MCC: variants seen among roughly 807,000 people sequenced by gnomAD.
The protein encoded by MCC is colorectal mutant cancer protein.
Under a neutral mutation model 116.2 loss-of-function variants are expected in MCC, and 90 were observed. The observed-to-expected ratio is 0.77, with a 90% CI of 0.65 to 0.92. MCC has a LOEUF of 0.92. Ranked by LOEUF, MCC falls within the 40% of genes least tolerant of loss-of-function variation. The pLI is 0.00. For synonymous variants in MCC, 578 were observed against 510.5 expected (o/e 1.13, Z -1.78); for missense variants, 1,516 against 1,312.2 (o/e 1.16, Z -2.40).
chr5:113,272,603 C>G (rs1275020768), intron 3 of MCC, among the ~76,000 whole-genome samples: 1 of 152,022 alleles, frequency 6.6e-6, no homozygotes, highest in Non-Finnish European at 1.5e-5. Flanking sequence ...ATACACTTGT[C>G]CATGTTAGGA....
intron 3 of MCC, among the ~76,000 whole-genome samples, chr5:113,215,572 G>A (rs1172549589): frequency 2.6e-5 from 4 of 152,098 alleles, no homozygotes; most frequent in Non-Finnish European, 5.9e-5. Flanking sequence ...GGGCTGGCGG[G>A]GGAGGGCGGT....
At chr5:113,484,248 A>G (rs2150437287) in intron 1 of MCC, among the ~76,000 whole-genome samples, 1 of 152,322 alleles carries the variant, frequency 6.6e-6, no homozygotes, top group East Asian at 1.9e-4. Flanking sequence ...CCTATGGAAA[A>G]AATCTGCACA....
intron 3 of MCC, among the ~76,000 whole-genome samples, chr5:113,170,527 G>C (rs1187896874): frequency 6.6e-6 from 1 of 152,106 alleles, no homozygotes; most frequent in East Asian, 1.9e-4. Context: ...CTATCTGCTT[G>C]TGGGAAGCTA....
intron 5 of MCC, among the ~76,000 whole-genome samples, chr5:113,134,594 T>C (rs1041920793): frequency 2.2e-5 from 2 of 90,518 alleles, no homozygotes; most frequent in African/African-American, 7.2e-5. Context: ...TCTATAAACA[T>C]TGTAGGATTT....
At chr5:113,400,711 G>A (rs1055965450) in intron 1 of MCC, among the ~76,000 whole-genome samples, 5 of 152,124 alleles carry the variant, frequency 3.3e-5, no homozygotes, top group African/African-American at 9.7e-5. Context: ...GTCTATCAGT[G>A]CCTTGTAAAA....
chr5:113,439,335 G>C (rs1226177947), intron 1 of MCC, among the ~76,000 whole-genome samples: 1 of 147,558 alleles, frequency 6.8e-6, no homozygotes, highest in Non-Finnish European at 1.5e-5. Flanking sequence ...CAATTGGAGG[G>C]TTTCACAGAG....
intron 3 of MCC, among the ~76,000 whole-genome samples, chr5:113,265,313 C>A (rs74343996): frequency 0.033 from 5,064 of 152,194 alleles, 116 homozygotes; most frequent in Middle Eastern, 0.048. Flanking sequence ...TTTGTTTTAT[C>A]CCAACCCAAC....
At chr5:113,416,030 A>G (rs562323298) in intron 1 of MCC, among the ~76,000 whole-genome samples, 1 of 152,026 alleles carries the variant, frequency 6.6e-6, no homozygotes, top group South Asian at 2.1e-4. Flanking sequence ...TCAGGTCCCT[A>G]AGCTGCAGGT....
At chr5:113,132,930 T>C (rs1373843732) in intron 5 of MCC, among the ~76,000 whole-genome samples, 1 of 152,222 alleles carries the variant, frequency 6.6e-6, no homozygotes, top group African/African-American at 2.4e-5. Context: ...CATTTTTGTA[T>C]TCTCTGATGG....
chr5:113,378,823 C>T (rs567583091), intron 2 of MCC, among the ~76,000 whole-genome samples: 1 of 152,294 alleles, frequency 6.6e-6, no homozygotes, highest in Admixed American at 6.5e-5. Flanking sequence ...TTCAAAAGGG[C>T]ATGTTTAAAC....
At chr5:113,123,495 T>A (rs148273560) in intron 5 of MCC, among the ~76,000 whole-genome samples, 3 of 152,190 alleles carry the variant, frequency 2.0e-5, no homozygotes. Flanking sequence ...AATTTACACT[T>A]GCTAACAGGA....
intron 3 of MCC, among the ~76,000 whole-genome samples, chr5:113,322,555 A>G (rs1459792556): frequency 6.6e-6 from 1 of 152,214 alleles, no homozygotes; most frequent in African/African-American, 2.4e-5. Context: ...AACTCCCCCT[A>G]CAAACATCCA....
At chr5:113,076,713 T>G (rs1281355076) in intron 11 of MCC, among the ~76,000 whole-genome samples, 1 of 152,106 alleles carries the variant, frequency 6.6e-6, no homozygotes, top group African/African-American at 2.4e-5. Flanking sequence ...ACATGCCAAA[T>G]TGTAAAGACC....
In MCC at chr5:113,332,066, G is replaced by T. The variant is rs188935885; in HGVS notation, c.627+8453C>A. ...GACAGCTCTTAGACTATAAAAAAGTGATCAGTAAATATTTCGAAATCTCCT... is the reference window on the plus strand; with the variant it reads ...GACAGCTCTTAGACTATAAAAAAGTTATCAGTAAATATTTCGAAATCTCCT... On this transcript the variant is annotated intron_variant, in intron 3 of 18. Transcript: ENST00000408903. Among the ~76,000 whole-genome samples, 10 of 151,756 alleles carry T rather than the reference G, an allele frequency of 6.6e-5. No homozygotes were observed. In the East Asian group the frequency reaches 1.9e-3, roughly 29 times the overall value.
intron 3 of MCC, among the ~76,000 whole-genome samples, chr5:113,259,230 G>A (rs968371006): frequency 6.6e-6 from 1 of 152,212 alleles, no homozygotes; most frequent in African/African-American, 2.4e-5. Flanking sequence ...AGAGAGGAAT[G>A]CATTTATTTG....
chr5:113,426,994 G>A (rs565100693), intron 1 of MCC, among the ~76,000 whole-genome samples: 85 of 152,192 alleles, frequency 5.6e-4, no homozygotes, highest in African/African-American at 1.9e-3. Context: ...AGAACTCAAG[G>A]TATATGAATT....
chr5:113,362,144 A>T (rs530888491), intron 2 of MCC, among the ~76,000 whole-genome samples: 1 of 152,160 alleles, frequency 6.6e-6, no homozygotes, highest in Admixed American at 6.6e-5. Flanking sequence ...TGAATTTCCT[A>T]TCATATGGGG....
intron 3 of MCC, among the ~76,000 whole-genome samples, chr5:113,328,318 T>G (rs1767617246): frequency 6.6e-6 from 1 of 152,210 alleles, no homozygotes; most frequent in Admixed American, 6.5e-5. Context: ...AGGAACACAT[T>G]AATTCCTTCT....
intron 3 of MCC, among the ~76,000 whole-genome samples, chr5:113,304,851 G>T (rs1386469386): frequency 1.3e-5 from 2 of 152,012 alleles, no homozygotes; most frequent in South Asian, 4.2e-4. Flanking sequence ...ATTTTAAATA[G>T]ATGCATAAAA....
Sources: gnomAD v4.1 joint callset for allele counts (sites outside exome capture counted in the v4.1 genomes callset) on GRCh38, gnomAD v4.1.1 for gene constraint, MANE v1.5 for transcripts, NCBI Gene and HGNC (gene_info 2026-07-23, HGNC 2026-07-21) for gene names.